Variants in RPS6KC1 observed in about 807,000 individuals in gnomAD.
RPS6KC1 encodes inactive ribosomal protein S6 kinase delta-1.
A neutral mutation model predicts 103.8 loss-of-function variants in RPS6KC1; 54 were observed. The ratio of observed to expected loss-of-function variants is 0.52; its 90% CI spans 0.42 to 0.65. The LOEUF is 0.65. Among genes scored for constraint, RPS6KC1 ranks in the 30% least tolerant of loss-of-function variants. The pLI is 0.00. For missense variants in RPS6KC1, 1,151 were observed against 1,253.8 expected (o/e 0.92, Z 1.24); for synonymous variants, 439 against 438.7 (o/e 1.00, Z -0.01).
Position 213,129,704 on chromosome 1 carries a change from A to T in RPS6KC1, c.650A>T (p.Glu217Val). Residue 217 changes from glutamate (E) to valine (V), a missense_variant, in exon 6 of 15, where the codon GAA becomes GTA. Coordinates refer to ENST00000366960, the MANE Select transcript of RPS6KC1 (RefSeq NM_012424.6). ...VASDSEQSKT[E>V]EERESRSLFP... is the part of the protein sequence containing the mutation. The stretch of plus-strand genomic sequence containing the variant: ...TCTGACAGTGAACAGAGCAAAACAG[A>T]AGAAGAACGGGAAAGTCGTAGCCTC... 1 of 1,614,066 alleles carries T rather than the reference A, an allele frequency of 6.2e-7. No individual in the cohort carries two copies. Among genetic ancestry groups the T allele is most frequent in the South Asian group, 1.1e-5 (1 of 91,074 alleles).
At chr1:213,726,031 A>G in the RPS6KC1 span, among the ~76,000 whole-genome samples, 21 of 152,048 alleles carry the variant, frequency 1.4e-4, no homozygotes, top group African/African-American at 5.1e-4. Flanking sequence ...TTTCTACTCC[A>G]TTGACACAAA....
chr1:213,853,070 G>T, the RPS6KC1 span, among the ~76,000 whole-genome samples: 1 of 152,094 alleles, frequency 6.6e-6, no homozygotes, highest in Non-Finnish European at 1.5e-5. Context: ...AACACAAGGG[G>T]CCCAAGGCAA....
the RPS6KC1 span, among the ~76,000 whole-genome samples, chr1:213,556,784 C>A: frequency 6.6e-6 from 1 of 152,184 alleles, no homozygotes; most frequent in Non-Finnish European, 1.5e-5. Context: ...TGAGGGAAAG[C>A]CCCAAGCACA....
At chr1:213,274,918 G>T (rs9429904), downstream of RPS6KC1, 142,206 of 152,236 alleles carry the variant, frequency 0.93, 66,533 homozygotes, top group South Asian at 0.99. Flanking sequence ...GACTTTTTCG[G>T]CACCTCAAAT....
intron 8 of RPS6KC1, among the ~76,000 whole-genome samples, chr1:213,217,736 A>G (rs143041071): frequency 0.015 from 2,215 of 152,278 alleles, 49 homozygotes; most frequent in African/African-American, 0.05. Context: ...ATCAATAAAC[A>G]TAATCCAGCA....
chr1:213,057,752 CTTTTTTTTTTTTTTT>C (rs869259657), intron 1 of RPS6KC1, among the ~76,000 whole-genome samples: 1 of 73,664 alleles, frequency 1.4e-5, no homozygotes, highest in Admixed American at 2.1e-4. Flanking sequence ...TCTGAAGTAT[CTTTTTTTTTTTTTTT>C]TTTTTTTTTC....
At chr1:213,841,382 G>A in the RPS6KC1 span, 2 of 152,148 alleles carry the variant, frequency 1.3e-5, no homozygotes, top group African/African-American at 2.4e-5. Flanking sequence ...AGCTCTGATT[G>A]CAACATCTGC....
the RPS6KC1 span, among the ~76,000 whole-genome samples, chr1:213,602,359 G>T: frequency 0.59 from 86,747 of 146,790 alleles, 27,426 homozygotes; most frequent in Non-Finnish European, 0.69. Flanking sequence ...TCAGCCTCCC[G>T]AGTAGCTGGG....
chr1:213,131,724 G>A (rs542264922), intron 6 of RPS6KC1, among the ~76,000 whole-genome samples: 4 of 152,174 alleles, frequency 2.6e-5, no homozygotes, highest in Non-Finnish European at 4.4e-5. Flanking sequence ...GATTACAGGC[G>A]TGAGCCACTG....
At chr1:213,814,404 C>G in the RPS6KC1 span, among the ~76,000 whole-genome samples, 2 of 152,182 alleles carry the variant, frequency 1.3e-5, no homozygotes, top group African/African-American at 4.8e-5. Context: ...TTTCTCTGTT[C>G]TGGCTGGGGA....
At chr1:213,345,606 C>G in the RPS6KC1 span, among the ~76,000 whole-genome samples, 1 of 152,204 alleles carries the variant, frequency 6.6e-6, no homozygotes, top group African/African-American at 2.4e-5. Flanking sequence ...AAAGGCAAGT[C>G]TATTTTGGTT....
intron 4 of RPS6KC1, among the ~76,000 whole-genome samples, chr1:213,110,074 T>A (rs1309581550): frequency 6.6e-6 from 1 of 152,182 alleles, no homozygotes; most frequent in Non-Finnish European, 1.5e-5. Context: ...TTTTTATAAT[T>A]TTGATTTATT....
At chr1:213,766,508 A>T in the RPS6KC1 span, among the ~76,000 whole-genome samples, 2 of 152,206 alleles carry the variant, frequency 1.3e-5, no homozygotes, top group East Asian at 1.9e-4. Context: ...AAAGGCTGGA[A>T]ATGTGTAAAA....
At chr1:213,831,640 T>C in the RPS6KC1 span, among the ~76,000 whole-genome samples, 2 of 152,230 alleles carry the variant, frequency 1.3e-5, no homozygotes, top group African/African-American at 4.8e-5. Flanking sequence ...GATTTGTGTT[T>C]GTATTATAAT....
intron 6 of RPS6KC1, among the ~76,000 whole-genome samples, chr1:213,153,095 G>A (rs1191851102): frequency 2.0e-5 from 3 of 152,218 alleles, no homozygotes; most frequent in Non-Finnish European, 2.9e-5. Context: ...CAGGCCTGGC[G>A]GCGCGAGTCT....
chr1:213,787,608 G>A, the RPS6KC1 span, among the ~76,000 whole-genome samples: 1 of 152,140 alleles, frequency 6.6e-6, no homozygotes, highest in Non-Finnish European at 1.5e-5. Context: ...ACAGGGAAGA[G>A]TCAAAGATAA....
At chr1:213,205,216 A>C in intron 8 of RPS6KC1, 1 of 982,906 alleles carries the variant, frequency 1.0e-6, no homozygotes, top group Non-Finnish European at 1.2e-6. Context: ...TCTACTTTTT[A>C]ATCTACTCTA....
the RPS6KC1 span, among the ~76,000 whole-genome samples, chr1:213,347,811 G>A: frequency 2.0e-5 from 3 of 152,118 alleles, no homozygotes; most frequent in African/African-American, 7.2e-5. Flanking sequence ...GTAGGAGGTG[G>A]GAAATGGGAA....
At chr1:213,418,861 C>A in the RPS6KC1 span, among the ~76,000 whole-genome samples, 1 of 152,186 alleles carries the variant, frequency 6.6e-6, no homozygotes, top group African/African-American at 2.4e-5. Context: ...CAAGGCCAGG[C>A]AGAGTGTACT....
Sources: allele counts gnomAD v4.1 joint callset (sites outside exome capture counted in the v4.1 genomes callset), GRCh38; gene constraint gnomAD v4.1.1; transcripts MANE v1.5; gene names NCBI Gene and HGNC (gene_info 2026-07-23, HGNC 2026-07-21).